FBXW7: variants seen among roughly 807,000 people sequenced by gnomAD.
FBXW7 encodes the protein F-box/WD repeat-containing protein 7.
FBXW7 carries 11 observed loss-of-function variants against 86.3 expected under a neutral mutation model. That is an observed-to-expected ratio of 0.13 (90% CI 0.08 to 0.21). FBXW7 has a LOEUF of 0.21. Ranked by LOEUF, FBXW7 falls within the 10% of genes least tolerant of loss-of-function variation. The probability of loss-of-function intolerance (pLI) is 1.00; values close to 1 mark genes in which losing one functional copy is unlikely to be tolerated. For synonymous variants in FBXW7, 313 were observed against 297.9 expected (o/e 1.05, Z -0.52); for missense variants, 488 against 847.4 (o/e 0.58, Z 5.27).
In FBXW7 at chr4:152,520,053, T is replaced by C. The variant is rs565985031; in HGVS notation, c.-120+14888A>G. On this transcript the variant is annotated intron_variant, in intron 2 of 13. Transcript: ENST00000281708. ...CAATACATGGTAATAATAATGATCA[T>C]GAATTACAAAATCTACATTCTTATC... is the stretch of plus-strand genomic sequence containing the variant. 1.7e-4 allele frequency among the ~76,000 whole-genome samples: 26 copies of C among 152,358 alleles called. No individual in the cohort carries two copies. In the South Asian group the frequency reaches 5.2e-3, roughly 30 times the overall value.
At chr4:152,423,005 T>G (rs1739078805) in intron 2 of FBXW7, among the ~76,000 whole-genome samples, 1 of 151,892 alleles carries the variant, frequency 6.6e-6, no homozygotes, top group Non-Finnish European at 1.5e-5. Flanking sequence ...TTACACATAA[T>G]GCAATTCAGC....
intron 2 of FBXW7, among the ~76,000 whole-genome samples, chr4:152,520,439 C>CAAA (rs58890384): frequency 1.7e-5 from 1 of 60,502 alleles, no homozygotes; most frequent in Non-Finnish European, 3.5e-5. Flanking sequence ...GACTCCGTCT[C>CAAA]AAAAAAAAAA....
intron 2 of FBXW7, among the ~76,000 whole-genome samples, chr4:152,461,064 T>C (rs987567442): frequency 6.6e-6 from 1 of 152,268 alleles, no homozygotes; most frequent in Non-Finnish European, 1.5e-5. Context: ...GCAGATCACC[T>C]GAGGTCGGGA....
intron 2 of FBXW7, among the ~76,000 whole-genome samples, chr4:152,474,319 T>C (rs1744208635): frequency 6.6e-6 from 1 of 152,198 alleles, no homozygotes; most frequent in Non-Finnish European, 1.5e-5. Context: ...ATACTGGTAG[T>C]TTTAAATCTA....
Position 152,322,529 on chromosome 4 carries a change from G to A in FBXW7, c.*352C>T. On this transcript the variant is annotated 3_prime_UTR_variant, in exon 14 of 14. Transcript: ENST00000281708. ...GTAAAAGAACAGGCTAGCAGAATCTGTAATGATGTTTCAGCATTAACACTG... is the reference window on the plus strand; with the variant it reads ...GTAAAAGAACAGGCTAGCAGAATCTATAATGATGTTTCAGCATTAACACTG... The A allele has an allele frequency of 7.0e-6, 2 of 286,614 alleles. No individual in the cohort carries two copies. The highest frequency in any genetic ancestry group is 1.3e-5 in the Non-Finnish European group (2 of 150,666). The allele number at this position is 286,614 out of a possible 1,614,324, so 17.8% of individuals were successfully genotyped here. A position where few individuals can be genotyped will look rare whatever the true frequency, so the allele number is the denominator to read the frequency against.
chr4:152,475,403 C>T (rs1343346748), intron 2 of FBXW7, among the ~76,000 whole-genome samples: 4 of 151,990 alleles, frequency 2.6e-5, no homozygotes, highest in Non-Finnish European at 5.9e-5. Flanking sequence ...CTCCAGCCTT[C>T]GCAACTGAGC....
intron 2 of FBXW7, among the ~76,000 whole-genome samples, chr4:152,457,813 A>G (rs1742570619): frequency 6.6e-6 from 1 of 151,984 alleles, no homozygotes; most frequent in Non-Finnish European, 1.5e-5. Context: ...AGCTCAAAAG[A>G]TAAAAGATGT....
At position 152,411,643 on chromosome 4, in the gene FBXW7, G is replaced by A. The variant is rs1054734078; in HGVS notation, c.161C>T (p.Ala54Val). 2 of 1,613,872 alleles carry A rather than the reference G, an allele frequency of 1.2e-6. No homozygotes were observed. The highest frequency in any genetic ancestry group is 1.7e-6 in the Non-Finnish European group (2 of 1,179,876). The change falls in exon 4 of 14, where the codon GCA becomes GTA. Residue 54 changes from alanine to valine, a missense_variant. Physicochemically the swap from Ala to Val is moderately conservative, Grantham distance 64 (BLOSUM62 0). This residue lies in a region of FBXW7 where 230 missense variants were observed against 240.0 expected (regional missense o/e 0.96). Transcript: ENST00000281708. ...QLRQQEEEHT[A>V]RNGEVVGVEP... Reference sequence around the variant, plus strand: ...TACTCCAACAACTTCACCATTCCTTGCAGTGTGCTCCTCCTCTTGTTGTCT... The same window carrying A: ...TACTCCAACAACTTCACCATTCCTTACAGTGTGCTCCTCCTCTTGTTGTCT...
chr4:152,425,624 AT>A (rs1739313055), intron 2 of FBXW7, among the ~76,000 whole-genome samples: 1 of 152,050 alleles, frequency 6.6e-6, no homozygotes, highest in African/African-American at 2.4e-5. Flanking sequence ...ACAGATAAAT[AT>A]AACCACAGTG....
chr4:152,534,786 G>A (rs540299634), intron 2 of FBXW7, among the ~76,000 whole-genome samples, 155 bp downstream of exon 2: 59 of 152,198 alleles, frequency 3.9e-4, no homozygotes, highest in African/African-American at 1.3e-3. Flanking sequence ...ACAAAATACA[G>A]GCCTCCCTAA....
chr4:152,371,922 T>C (rs756596761), intron 4 of FBXW7, among the ~76,000 whole-genome samples: 29 of 151,974 alleles, frequency 1.9e-4, no homozygotes, highest in Non-Finnish European at 3.5e-4. Context: ...AAGGGAAAGG[T>C]GTGCTGTCTT....
chr4:152,431,264 C>T (rs1309893310), intron 2 of FBXW7, among the ~76,000 whole-genome samples: 1 of 152,176 alleles, frequency 6.6e-6, no homozygotes, highest in Admixed American at 6.5e-5. Flanking sequence ...ACAGATCTAA[C>T]TGGCATTTAT....
intron 4 of FBXW7, chr4:152,352,513 T>C (rs1731912435): frequency 1.9e-6 from 3 of 1,613,954 alleles, no homozygotes; most frequent in Non-Finnish European, 2.5e-6. Context: ...ACCCATATTT[T>C]CTGTATTTTT....
chr4:152,342,775 A>G (rs1210671857), intron 6 of FBXW7, among the ~76,000 whole-genome samples: 1 of 152,230 alleles, frequency 6.6e-6, no homozygotes, highest in African/African-American at 2.4e-5. Context: ...AACATAATTC[A>G]GGTTTTACTT....
chr4:152,458,921 A>G (rs1305157447), intron 2 of FBXW7, among the ~76,000 whole-genome samples: 2 of 152,098 alleles, frequency 1.3e-5, no homozygotes, highest in Non-Finnish European at 2.9e-5. Context: ...AAACAATTCA[A>G]TTTTTTCCAC....
At position 152,389,138 on chromosome 4, in the gene FBXW7, T is replaced by C. The variant is rs188535754; in HGVS notation, c.501+22165A>G. Among the ~76,000 whole-genome samples, 51 of 152,082 alleles carry C rather than the reference T, an allele frequency of 3.4e-4. No individual in the cohort carries two copies. The Middle Eastern group carries it at 0.01, about 30-fold the overall frequency. Reference sequence around the variant, plus strand: ...TATTAAAAAGACAAAAAATAATAGATGTTGGCGAGGATGTGGAGAAAAAGA... The same window carrying C: ...TATTAAAAAGACAAAAAATAATAGACGTTGGCGAGGATGTGGAGAAAAAGA... On this transcript the variant is annotated intron_variant, in intron 4 of 13. Transcript: ENST00000281708.
At chr4:152,383,259 A>T (rs992871384) in intron 4 of FBXW7, among the ~76,000 whole-genome samples, 36 of 152,078 alleles carry the variant, frequency 2.4e-4, no homozygotes, top group African/African-American at 8.4e-4. Flanking sequence ...CCTAGTGCCT[A>T]ATTTCTCCTT....
chr4:152,476,850 C>T (rs1435783195), intron 2 of FBXW7, among the ~76,000 whole-genome samples: 3 of 152,130 alleles, frequency 2.0e-5, no homozygotes, highest in South Asian at 2.1e-4. Flanking sequence ...TTTGAGGATA[C>T]TTTTACAGCA....
At position 152,462,899 on chromosome 4, in the gene FBXW7, C is replaced by T. The variant is rs540775257; in HGVS notation, c.-119-50370G>A. On this transcript the variant is annotated intron_variant, in intron 2 of 13. Coordinates refer to ENST00000281708, the MANE Select transcript of FBXW7 (RefSeq NM_001349798.2). The stretch of plus-strand genomic sequence containing the variant: ...TCATCAGACAAGAATTTGAAGTACT[C>T]CCACTTCCACTTCCAGTCTTTTTTT... Among the ~76,000 whole-genome samples the T allele has an allele frequency of 9.9e-5, 15 of 151,700 alleles. No individual in the cohort carries two copies. In the South Asian group the frequency reaches 2.9e-3, roughly 30 times the overall value.
Sources: allele counts gnomAD v4.1 joint callset (sites outside exome capture counted in the v4.1 genomes callset), GRCh38; gene constraint gnomAD v4.1.1; regional missense constraint gnomAD v4.1.1; transcripts MANE v1.5; gene names NCBI Gene and HGNC (gene_info 2026-07-23, HGNC 2026-07-21).